The following FRMD3 variants were observed in gnomAD, a reference collection of about 807,000 sequenced individuals.
FRMD3 encodes the protein FERM domain containing 3.
In FRMD3, 33 loss-of-function variants were observed where a neutral mutation model predicts 70.2. That is an observed-to-expected ratio of 0.47 (90% confidence interval 0.36 to 0.63). FRMD3 has a LOEUF of 0.63. FRMD3 is among the 20% of genes least tolerant of loss of function. FRMD3 has a pLI of 0.00. For missense variants in FRMD3, 632 were observed against 711.4 expected (o/e 0.89, Z 1.27); for synonymous variants, 279 against 255.9 (o/e 1.09, Z -0.86).
In FRMD3 at chr9:83,283,937, A is replaced by G. The variant is rs1170444172; in HGVS notation, c.1195+6666T>C. 2.0e-5 allele frequency among the ~76,000 whole-genome samples: 3 copies of G among 152,218 alleles called. No homozygotes were observed. In the East Asian group the frequency reaches 5.8e-4, roughly 29 times the overall value. On this transcript the variant is annotated intron_variant, in intron 13 of 13. Transcript: ENST00000304195. ...TGCACCAGTGTTTTCCACATTAAAC[A>G]AACAAAGCAGGAATTTTAAGAATTT...
chr9:83,312,025 A>G (rs1260518890), intron 7 of FRMD3, 50 bp from the exon 8 acceptor site: 4 of 1,351,074 alleles, frequency 3.0e-6, no homozygotes, highest in Non-Finnish European at 4.1e-6. Context: ...ATTGAGAAAA[A>G]TAAAATAAAT....
chr9:83,384,497 C>A (rs1825454750), intron 2 of FRMD3, among the ~76,000 whole-genome samples: 1 of 152,172 alleles, frequency 6.6e-6, no homozygotes, highest in Non-Finnish European at 1.5e-5. Flanking sequence ...ATTGCTCTAA[C>A]ATAGACAAGG....
intron 10 of FRMD3, among the ~76,000 whole-genome samples, chr9:83,308,918 C>G (rs1462097087): frequency 1.3e-5 from 2 of 152,196 alleles, no homozygotes; most frequent in East Asian, 3.9e-4. Context: ...TTCTGGCCCC[C>G]AAAGCAGGCT....
At position 83,310,537 on chromosome 9, in the gene FRMD3, C is replaced by G; in HGVS notation, c.785G>C (p.Cys262Ser). 1.9e-6 allele frequency: 3 copies of G among 1,602,402 alleles called. No homozygotes were observed. Among genetic ancestry groups the G allele is most frequent in the Non-Finnish European group, 2.5e-6 (3 of 1,176,982 alleles). The change falls in exon 9 of 14, where the codon TGC becomes TCC. Residue 262 changes from cysteine to serine, a missense_variant. Cys to Ser is a moderately radical substitution (Grantham distance 112, BLOSUM62 -1). Around this residue, in one of 3 missense-constraint regions of FRMD3, gnomAD observed 418 missense variants for 442.1 expected, o/e 0.95. Transcript: ENST00000304195. ...RIHLIKWPDV[C>S]KLKFEGKTFY... The stretch of plus-strand genomic sequence containing the variant: ...TGTCTTCCCTTCAAACTTCAATTTG[C>G]AGACATCTGGCCTAAGAAAAGAAAA...
intron 1 of FRMD3, among the ~76,000 whole-genome samples, chr9:83,496,745 G>T (rs1011625372): frequency 1.3e-5 from 2 of 152,154 alleles, no homozygotes; most frequent in African/African-American, 4.8e-5. Flanking sequence ...AATGAACACT[G>T]TTGTTTCCCC....
At chr9:83,546,456 G>A in the FRMD3 span, among the ~76,000 whole-genome samples, 1 of 152,180 alleles carries the variant, frequency 6.6e-6, no homozygotes, top group Admixed American at 6.5e-5. Flanking sequence ...TCCCAGACAA[G>A]CAAACACTAA....
chr9:83,397,414 C>A (rs1587814499), intron 1 of FRMD3, among the ~76,000 whole-genome samples: 2 of 152,168 alleles, frequency 1.3e-5, no homozygotes, highest in African/African-American at 4.8e-5. Context: ...ACATCCTCAG[C>A]GGACACAGCT....
the FRMD3 span, among the ~76,000 whole-genome samples, chr9:83,583,487 C>G: frequency 6.6e-6 from 1 of 152,188 alleles, no homozygotes; most frequent in Non-Finnish European, 1.5e-5. Flanking sequence ...TACATATTTA[C>G]CATTTTACTC....
At chr9:83,490,764 TCTC>T (rs1462803482) in intron 1 of FRMD3, among the ~76,000 whole-genome samples, 1 of 51,388 alleles carries the variant, frequency 1.9e-5, no homozygotes, top group Non-Finnish European at 4.5e-5. Context: ...TTTACTCTCT[TCTC>T]TCTCTCTCTC....
chr9:83,309,679 C>T, intron 9 of FRMD3, 55 bp from the exon 10 acceptor site: 1 of 1,178,200 alleles, frequency 8.5e-7, no homozygotes, highest in Non-Finnish European at 1.2e-6. Context: ...TTTACATTTT[C>T]CATGGGTTTT....
At chr9:83,330,459 G>T (rs1456897062) in intron 6 of FRMD3, among the ~76,000 whole-genome samples, 2 of 152,168 alleles carry the variant, frequency 1.3e-5, no homozygotes, top group East Asian at 1.9e-4. Context: ...TGCACACCAA[G>T]CTTAAAGTCT....
At chr9:83,243,802 G>T (rs1446022888), downstream of FRMD3, among the ~76,000 whole-genome samples, 1 of 151,996 alleles carries the variant, frequency 6.6e-6, no homozygotes, top group Non-Finnish European at 1.5e-5. Context: ...TACCCCTTTT[G>T]TTTCATTCCA....
intron 6 of FRMD3, among the ~76,000 whole-genome samples, chr9:83,324,422 T>C (rs576981710): frequency 6.6e-6 from 1 of 152,284 alleles, no homozygotes; most frequent in South Asian, 2.1e-4. Context: ...CAAGCAATGT[T>C]AGGGGATCAT....
chr9:83,555,683 G>A, the FRMD3 span, among the ~76,000 whole-genome samples: 1 of 152,182 alleles, frequency 6.6e-6, no homozygotes, highest in Non-Finnish European at 1.5e-5. Context: ...CTATGGGTAG[G>A]TACAGGAATC....
chr9:83,312,678 C>T (rs112242284), intron 7 of FRMD3, among the ~76,000 whole-genome samples: 3 of 152,318 alleles, frequency 2.0e-5, no homozygotes, highest in African/African-American at 4.8e-5. Context: ...TGGACAAGTA[C>T]CCCTGGCTCT....
intron 4 of FRMD3, among the ~76,000 whole-genome samples, chr9:83,344,268 C>T (rs1823874596): frequency 6.6e-6 from 1 of 152,142 alleles, no homozygotes; most frequent in Admixed American, 6.5e-5. Flanking sequence ...TAGAGTTTAA[C>T]TCTCAAAAAC....
the FRMD3 span, among the ~76,000 whole-genome samples, chr9:83,570,848 G>A: frequency 6.6e-6 from 1 of 152,218 alleles, no homozygotes; most frequent in African/African-American, 2.4e-5. Context: ...AATGATGGTG[G>A]TTTGGACCTG....
chr9:83,434,764 C>G (rs1262512561), intron 1 of FRMD3, among the ~76,000 whole-genome samples: 2 of 148,448 alleles, frequency 1.3e-5, no homozygotes, highest in East Asian at 4.1e-4. Flanking sequence ...AAAGAGGAAA[C>G]TATAATTAAC....
chr9:83,342,540 T>G (rs1007748674), intron 5 of FRMD3, among the ~76,000 whole-genome samples: 2 of 152,138 alleles, frequency 1.3e-5, no homozygotes, highest in Non-Finnish European at 2.9e-5. Flanking sequence ...GGAAGAAAGA[T>G]TCAAATGGTG....
Sources: allele counts gnomAD v4.1 joint callset (sites outside exome capture counted in the v4.1 genomes callset), GRCh38; gene constraint gnomAD v4.1.1; regional missense constraint gnomAD v4.1.1; transcripts MANE v1.5; gene names NCBI Gene and HGNC (gene_info 2026-07-23, HGNC 2026-07-21).